The following ZNF254 variants were observed in gnomAD, a reference collection of about 807,000 sequenced individuals.
The protein encoded by ZNF254 is zinc finger protein 254.
ZNF254 carries 10 observed loss-of-function variants against 12.4 expected under a neutral mutation model. The ratio of observed to expected loss-of-function variants is 0.80; its 90% CI spans 0.50 to 1.36. The LOEUF is 1.36. ZNF254 is among the 40% of genes most tolerant of loss of function. The pLI is 0.00. For missense variants in ZNF254, 996 were observed against 763.9 expected, an observed-to-expected ratio of 1.30 and a Z score of -3.58; for synonymous variants, 305 against 253.4, an observed-to-expected ratio of 1.20 and a Z score of -1.93.
In ZNF254 at chr19:24,127,276, A is replaced by G. The variant is rs1187766248; in HGVS notation, c.1276A>G (p.Ile426Val). 8 of 1,613,498 alleles carry G rather than the reference A, an allele frequency of 5.0e-6. No individual in the cohort carries two copies. Among genetic ancestry groups the G allele is most frequent in the Non-Finnish European group, 6.8e-6 (8 of 1,179,820 alleles). The change falls in exon 4 of 4, where the codon ATA (isoleucine) becomes GTA (valine). Residue 426 changes from isoleucine (I) to valine (V), a missense_variant. Transcript: ENST00000357002. ...ATCTTCAAATCTTACTACACATAAG[A>G]TAATTCATACTGGAGAGAAACCTTA... The part of the protein sequence containing the change: ...NRSSNLTTHK[I>V]IHTGEKPYKC...
rs184701436 is a variant in ZNF254 at position 24,061,858 on chromosome 19, C to T, written c.-94+15579C>T. Among the ~76,000 whole-genome samples, 313 of 152,090 alleles carry T rather than the reference C, an allele frequency of 2.1e-3. 1 individual carries two copies. The highest frequency in any genetic ancestry group is 7.2e-3 in the African/African-American group (300 of 41,516). ...CAGCACTTCAAGAGGTAGAGGTGGACGGATCACCTGATGTCGGGAGTTCAA... is the reference window on the plus strand; with the variant it reads ...CAGCACTTCAAGAGGTAGAGGTGGATGGATCACCTGATGTCGGGAGTTCAA... On this transcript the variant is annotated intron_variant, in intron 2 of 4. Transcript: ENST00000613065.
chr19:24,036,908 T>A (rs62117637), intron 1 of ZNF254, among the ~76,000 whole-genome samples: 1 of 151,994 alleles, frequency 6.6e-6, no homozygotes, highest in Non-Finnish European at 1.5e-5. Flanking sequence ...GAAGACTTGA[T>A]CTGAGGAATT....
intron 2 of ZNF254, among the ~76,000 whole-genome samples, chr19:24,047,615 T>A (rs1247424818): frequency 7.4e-6 from 1 of 134,892 alleles, no homozygotes; most frequent in African/African-American, 2.7e-5. Context: ...TTTTTTTTTT[T>A]GCTCTCTCTC....
chr19:24,128,359 GT>G lies in ZNF254; in HGVS notation c.*380del, dbSNP rs1975040965. ...CTTACTCAAAATTGTAGAGTTCATA[GT>G]AAATAAAAGCATTAAAATTCTAATT... On this transcript the variant is annotated 3_prime_UTR_variant, in exon 4 of 4. Transcript: ENST00000357002. The G allele has an allele frequency of 5.8e-6, 1 of 171,814 alleles. No individual in the cohort carries two copies. The highest frequency in any genetic ancestry group is 1.2e-5 in the Non-Finnish European group (1 of 82,000). The allele number at this position is 171,814 out of a possible 1,614,324, so 10.6% of individuals were successfully genotyped here. A position where few individuals can be genotyped will look rare whatever the true frequency, so the allele number is the denominator to read the frequency against.
intron 1 of ZNF254, among the ~76,000 whole-genome samples, chr19:24,045,713 C>T (rs1202727399): frequency 2.6e-5 from 4 of 151,304 alleles, no homozygotes; most frequent in South Asian, 2.1e-4. Flanking sequence ...TCTTCGGGGC[C>T]GAGAGAATTT....
chr19:24,055,162 C>T (rs1267077234), intron 2 of ZNF254, among the ~76,000 whole-genome samples: 2 of 118,990 alleles, frequency 1.7e-5, no homozygotes, highest in Non-Finnish European at 3.2e-5. Context: ...GAGATCATGC[C>T]ACTGTACTCC....
intron 1 of ZNF254, among the ~76,000 whole-genome samples, chr19:24,089,425 C>G (rs1284405939): frequency 6.6e-6 from 1 of 152,024 alleles, no homozygotes; most frequent in African/African-American, 2.4e-5. Flanking sequence ...TCTATCTTCC[C>G]TAGTCACAGA....
At chr19:24,119,798 A>G (rs1485608870) in intron 3 of ZNF254, among the ~76,000 whole-genome samples, 1 of 152,026 alleles carries the variant, frequency 6.6e-6, no homozygotes, top group Non-Finnish European at 1.5e-5. Context: ...TAATTAATTT[A>G]TATTTAAAAT....
intron 2 of ZNF254, among the ~76,000 whole-genome samples, chr19:24,073,522 G>A (rs1174297218): frequency 1.3e-5 from 2 of 152,162 alleles, no homozygotes; most frequent in Admixed American, 1.3e-4. Flanking sequence ...GAACACAGGT[G>A]ACATTGTGAC....
At chr19:24,126,112 C>G (rs1007456564) in intron 3 of ZNF254, 142 bp from the exon 4 acceptor site, 46 of 500,024 alleles carry the variant, frequency 9.2e-5, no homozygotes, top group Non-Finnish European at 1.5e-4. Context: ...ACATTTATGT[C>G]TATGAAAGAA....
At position 24,127,618 on chromosome 19, in the gene ZNF254, C is replaced by A; in HGVS notation, c.1618C>A (p.His540Asn). 1 of 1,608,280 alleles carries A rather than the reference C, an allele frequency of 6.2e-7. No individual in the cohort carries two copies. The highest frequency in any genetic ancestry group is 8.5e-7 in the Non-Finnish European group (1 of 1,176,934). The part of the protein sequence containing the change: ...SSTLTKHKII[H>N]TEEKPYKCEK... ...AACTCTTACTAAACATAAGATAATT[C>A]ATACTGAAGAGAAACCCTACAAATG... is the stretch of plus-strand genomic sequence containing the variant. The change falls in exon 4 of 4, where the codon CAT becomes AAT. Residue 540 changes from histidine (H) to asparagine (N), a missense_variant. Transcript: ENST00000357002.
intron 3 of ZNF254, among the ~76,000 whole-genome samples, chr19:24,119,295 G>T (rs1279401641): frequency 6.6e-6 from 1 of 151,800 alleles, no homozygotes; most frequent in Non-Finnish European, 1.5e-5. Flanking sequence ...AGGTTCAAGC[G>T]ATTCTCCTGT....
chr19:24,048,444 C>T (rs1434763574), intron 2 of ZNF254, among the ~76,000 whole-genome samples: 3 of 152,190 alleles, frequency 2.0e-5, no homozygotes, highest in African/African-American at 4.8e-5. Flanking sequence ...AGGACTTGGT[C>T]GCCAGCTTAA....
At chr19:24,090,071 G>A (rs1010088473) in intron 1 of ZNF254, among the ~76,000 whole-genome samples, 2 of 151,538 alleles carry the variant, frequency 1.3e-5, no homozygotes, top group African/African-American at 2.4e-5. Flanking sequence ...AGTGGTACAG[G>A]CCTGTAATCG....
Position 24,126,845 on chromosome 19 carries a change from C to T in ZNF254, c.845C>T (p.Thr282Ile). ...GEAFNRSSNLTTHKIIHTGEK... is the reference protein window; with the variant it reads ...GEAFNRSSNLITHKIIHTGEK... Reference sequence around the variant, plus strand: ...GCTTTTAATCGATCCTCAAATCTTACTACACATAAGATAATTCATACTGGA... The same window carrying T: ...GCTTTTAATCGATCCTCAAATCTTATTACACATAAGATAATTCATACTGGA... Residue 282 changes from threonine (T) to isoleucine (I), a missense_variant, in exon 4 of 4, where the codon ACT (threonine) becomes ATT (isoleucine). Coordinates refer to ENST00000357002, the MANE Select transcript of ZNF254 (RefSeq NM_203282.4). 1.2e-6 allele frequency: 2 copies of T among 1,613,228 alleles called. No individual in the cohort carries two copies. Among genetic ancestry groups the T allele is most frequent in the Admixed American group, 3.3e-5 (2 of 59,850 alleles).
At chr19:24,061,909 C>A (rs112997094) in intron 2 of ZNF254, among the ~76,000 whole-genome samples, 1 of 151,790 alleles carries the variant, frequency 6.6e-6, no homozygotes, top group Non-Finnish European at 1.5e-5. Flanking sequence ...CATGGAAAAA[C>A]CCTGTCTCTA....
At chr19:24,041,842 C>T (rs1389322492) in intron 1 of ZNF254, among the ~76,000 whole-genome samples, 2 of 152,232 alleles carry the variant, frequency 1.3e-5, no homozygotes, top group East Asian at 3.9e-4. Flanking sequence ...CACCAATCAG[C>T]ACCCTGTGTT....
chr19:24,116,194 A>G (rs1171291028), intron 3 of ZNF254, among the ~76,000 whole-genome samples: 11 of 151,950 alleles, frequency 7.2e-5, no homozygotes, highest in Non-Finnish European at 1.3e-4. Flanking sequence ...TCTTCTCGAG[A>G]AGTATCTTTG....
At chr19:24,034,972 G>GT (rs1969911357) in intron 1 of ZNF254, among the ~76,000 whole-genome samples, 1 of 151,876 alleles carries the variant, frequency 6.6e-6, no homozygotes, top group African/African-American at 2.4e-5. Flanking sequence ...TTTTAAAGGA[G>GT]TATTGCAGCA....
Sources: gnomAD v4.1 joint callset for allele counts (sites outside exome capture counted in the v4.1 genomes callset) on GRCh38, gnomAD v4.1.1 for gene constraint, MANE v1.5 for transcripts, NCBI Gene and HGNC (gene_info 2026-07-23, HGNC 2026-07-21) for gene names.